EYA2: variants seen among roughly 807,000 people sequenced by gnomAD.
EYA2 encodes protein phosphatase EYA2.
EYA2 carries 31 observed loss-of-function variants against 69.2 expected under a neutral mutation model. That is an observed-to-expected ratio of 0.45 (90% confidence interval 0.34 to 0.60). EYA2 has a LOEUF of 0.60. EYA2 is among the 20% of genes least tolerant of loss of function. EYA2 has a pLI of 0.02. For missense variants in EYA2, 622 were observed against 701.2 expected, an observed-to-expected ratio of 0.89 and a Z score of 1.28; for synonymous variants, 257 against 279.4, an observed-to-expected ratio of 0.92 and a Z score of 0.80.
chr20:47,079,013 A>G (rs2031623597), intron 7 of EYA2, among the ~76,000 whole-genome samples: 1 of 152,238 alleles, frequency 6.6e-6, no homozygotes, highest in Non-Finnish European at 1.5e-5. Context: ...TATTAATACT[A>G]TTATGCAAAT....
At chr20:47,085,106 GGAT>G (rs1250541577) in intron 7 of EYA2, among the ~76,000 whole-genome samples, 26 of 151,574 alleles carry the variant, frequency 1.7e-4, no homozygotes, top group Admixed American at 1.7e-3. Context: ...CAAAGTGCTA[GGAT>G]TACAGGCATG....
intron 9 of EYA2, among the ~76,000 whole-genome samples, chr20:47,132,179 G>A (rs1169419800): frequency 6.6e-6 from 1 of 152,092 alleles, no homozygotes; most frequent in African/African-American, 2.4e-5. Context: ...CAGTTCCTGG[G>A]CTCAAGCGAT....
At chr20:46,956,686 T>C (rs1979145531) in intron 1 of EYA2, among the ~76,000 whole-genome samples, 1 of 152,222 alleles carries the variant, frequency 6.6e-6, no homozygotes, top group Admixed American at 6.5e-5. Flanking sequence ...AAATGCAGCG[T>C]AGATCTGTGT....
chr20:46,999,390 T>C (rs998376682), intron 2 of EYA2, among the ~76,000 whole-genome samples: 2 of 152,216 alleles, frequency 1.3e-5, no homozygotes, highest in South Asian at 2.1e-4. Flanking sequence ...GAAATCAGCA[T>C]TGAGTGAGCA....
chr20:47,017,559 T>C (rs1983485306), intron 5 of EYA2, among the ~76,000 whole-genome samples: 1 of 152,142 alleles, frequency 6.6e-6, no homozygotes, highest in Non-Finnish European at 1.5e-5. Context: ...AAAAAAATTG[T>C]GAAAGGAGAA....
intron 7 of EYA2, among the ~76,000 whole-genome samples, chr20:47,079,752 A>G (rs116288656): frequency 0.013 from 1,963 of 152,238 alleles, 37 homozygotes; most frequent in African/African-American, 0.044. Flanking sequence ...AGTTAGATAT[A>G]TTTGTGCTAC....
At chr20:47,107,703 AGAG>A (rs1441804963) in intron 9 of EYA2, among the ~76,000 whole-genome samples, 5 of 151,452 alleles carry the variant, frequency 3.3e-5, no homozygotes, top group Non-Finnish European at 2.9e-5. Flanking sequence ...AAAAAACAAA[AGAG>A]AAGAAGGAAG....
At chr20:47,059,369 T>C (rs1446947385) in intron 5 of EYA2, among the ~76,000 whole-genome samples, 1 of 152,226 alleles carries the variant, frequency 6.6e-6, no homozygotes, top group African/African-American at 2.4e-5. Flanking sequence ...TTTGTTTGTG[T>C]GTTGACATGG....
chr20:46,989,933 G>A (rs1428602308), intron 1 of EYA2, 68 bp from the exon 2 acceptor site: 2 of 801,514 alleles, frequency 2.5e-6, no homozygotes, highest in African/African-American at 3.4e-5. Context: ...CTTAGGGAAA[G>A]AAATAGGAAT....
At chr20:47,133,559 C>T (rs140305262) in intron 9 of EYA2, among the ~76,000 whole-genome samples, 3 of 152,274 alleles carry the variant, frequency 2.0e-5, no homozygotes, top group East Asian at 3.9e-4. Flanking sequence ...AGACCACCTT[C>T]GGCCTCAATG....
chr20:47,031,121 G>A (rs1411342025), intron 5 of EYA2, among the ~76,000 whole-genome samples: 2 of 152,210 alleles, frequency 1.3e-5, no homozygotes, highest in Non-Finnish European at 2.9e-5. Flanking sequence ...ACTGTGATGA[G>A]TGCTCCAAGG....
intron 9 of EYA2, among the ~76,000 whole-genome samples, chr20:47,103,220 C>A (rs1416339157): frequency 6.6e-6 from 1 of 152,132 alleles, no homozygotes; most frequent in Non-Finnish European, 1.5e-5. Flanking sequence ...ATTTTCATCA[C>A]CCCAAAAAGA....
In EYA2 at chr20:47,016,262, C is replaced by A. The variant is rs770068078; in HGVS notation, c.380C>A (p.Pro127His). ...TATGGCTCCAGCTTCAGCACCTCAC[C>A]CACTGGACAGAGCCCATACACCTAC... ...LSYGSSFSTS[P>H]TGQSPYTYQM... The change falls in exon 5 of 16, where the codon CCC becomes CAC. Residue 127 changes from proline (P) to histidine (H), a missense_variant. By Grantham distance (77) the Pro-to-His change is moderately conservative (BLOSUM62 -2). This residue lies in a region of EYA2 where 365 missense variants were observed against 349.7 expected (regional missense o/e 1.04). Transcript: ENST00000327619. The A allele has an allele frequency of 1.3e-5, 21 of 1,614,160 alleles. No individual in the cohort carries two copies. In the South Asian group the frequency reaches 1.8e-4, roughly 14 times the overall value.
At chr20:47,038,792 C>T (rs1984863216) in intron 5 of EYA2, among the ~76,000 whole-genome samples, 1 of 152,144 alleles carries the variant, frequency 6.6e-6, no homozygotes, top group African/African-American at 2.4e-5. Flanking sequence ...CTGGCAGCCA[C>T]CGAGGACTTC....
intron 1 of EYA2, among the ~76,000 whole-genome samples, chr20:46,935,275 A>G (rs1048151625): frequency 6.6e-6 from 1 of 152,196 alleles, no homozygotes; most frequent in Non-Finnish European, 1.5e-5. Flanking sequence ...ACAGGCTGTC[A>G]CCAACAGAAT....
intron 1 of EYA2, among the ~76,000 whole-genome samples, chr20:46,918,470 G>A (rs1007920617): frequency 7.9e-5 from 12 of 152,042 alleles, no homozygotes; most frequent in East Asian, 3.9e-4. Context: ...CACCACGCCC[G>A]GCTATTTTTT....
chr20:46,982,276 A>G (rs1980883624), intron 1 of EYA2, among the ~76,000 whole-genome samples: 1 of 152,126 alleles, frequency 6.6e-6, no homozygotes, highest in Non-Finnish European at 1.5e-5. Context: ...ATGAAATTCC[A>G]TTGTTTTGTG....
chr20:47,023,537 T>C (rs1210555369), intron 5 of EYA2, among the ~76,000 whole-genome samples: 1 of 152,090 alleles, frequency 6.6e-6, no homozygotes, highest in Non-Finnish European at 1.5e-5. Context: ...AGTTCATAAA[T>C]CTTTTCTTCT....
intron 7 of EYA2, among the ~76,000 whole-genome samples, chr20:47,078,395 A>T (rs984687911): frequency 1.3e-4 from 20 of 151,760 alleles, no homozygotes; most frequent in African/African-American, 4.8e-4. Context: ...TCCCATAAAA[A>T]CTCTACTTTT....
Sources: allele counts gnomAD v4.1 joint callset (sites outside exome capture counted in the v4.1 genomes callset), GRCh38; gene constraint gnomAD v4.1.1; regional missense constraint gnomAD v4.1.1; transcripts MANE v1.5; gene names NCBI Gene and HGNC (gene_info 2026-07-23, HGNC 2026-07-21).